The following UXS1 variants were observed in gnomAD, a reference collection of about 807,000 sequenced individuals.
UXS1 encodes UDP-glucuronate decarboxylase 1.
Under a neutral mutation model 62.6 loss-of-function variants are expected in UXS1, and 33 were observed. The observed-to-expected ratio is 0.53, with a 90% CI of 0.40 to 0.70. UXS1 has a LOEUF of 0.70. Among genes scored for constraint, UXS1 ranks in the 30% least tolerant of loss-of-function variants. The pLI is 0.00. For synonymous variants in UXS1, 213 were observed against 206.8 expected (o/e 1.03, Z -0.26); for missense variants, 434 against 556.3 (o/e 0.78, Z 2.21).
intron 5 of UXS1, among the ~76,000 whole-genome samples, chr2:106,151,196 T>C (rs758884944): frequency 6.6e-6 from 1 of 152,206 alleles, no homozygotes; most frequent in African/African-American, 2.4e-5. Flanking sequence ...CTTTGGACTT[T>C]CGAGTTGGTG....
chr2:106,104,861 C>A, intron 10 of UXS1, 24 bp from the exon 11 acceptor site: 1 of 1,612,986 alleles, frequency 6.2e-7, no homozygotes, highest in Non-Finnish European at 8.5e-7. Flanking sequence ...AACAGTTAGG[C>A]CTCCTGATAA....
intron 10 of UXS1, among the ~76,000 whole-genome samples, chr2:106,108,496 T>C (rs1261761090): frequency 6.6e-6 from 1 of 152,174 alleles, no homozygotes; most frequent in Non-Finnish European, 1.5e-5. Context: ...GGCATGAGTA[T>C]CACAGGGATC....
At chr2:106,189,835 G>A (rs1222784543) in intron 1 of UXS1, among the ~76,000 whole-genome samples, 1 of 152,212 alleles carries the variant, frequency 6.6e-6, no homozygotes, top group Non-Finnish European at 1.5e-5. Flanking sequence ...CATGAAGGCA[G>A]AAAATATACT....
chr2:106,120,697 A>G (rs1264431243), intron 9 of UXS1, among the ~76,000 whole-genome samples: 1 of 152,234 alleles, frequency 6.6e-6, no homozygotes, highest in Non-Finnish European at 1.5e-5. Context: ...GAAAGCAGCA[A>G]GCGTGGTTCC....
Position 106,192,497 on chromosome 2 carries a change from T to C in UXS1, c.94+1651A>G, listed in dbSNP as rs1418567386. Among the ~76,000 whole-genome samples the C allele has an allele frequency of 4.0e-5, 6 of 150,232 alleles. No homozygotes were observed. In the South Asian group the frequency reaches 1.1e-3, roughly 27 times the overall value. On this transcript the variant is annotated intron_variant, in intron 1 of 14. Transcript: ENST00000283148. The stretch of plus-strand genomic sequence containing the variant: ...TGAACCCGGGAGGTGGAGCGTGCAG[T>C]GAGCCGAGATCGCGCCCCTGCACTC...
chr2:106,118,450 T>G (rs902754731), intron 9 of UXS1, among the ~76,000 whole-genome samples: 5 of 152,100 alleles, frequency 3.3e-5, no homozygotes, highest in African/African-American at 9.7e-5. Flanking sequence ...GTCAGACTCA[T>G]GAGGGGGCGA....
rs948623586 is a variant in UXS1 at position 106,172,516 on chromosome 2, A to G, written c.95-6433T>C. On this transcript the variant is annotated intron_variant, in intron 1 of 14. Transcript: ENST00000283148. The stretch of plus-strand genomic sequence containing the variant: ...GTGAGGTCCGGTAGCCAAGGTTCCT[A>G]ATCCACACTGCCTTTTAGCATTGCA... 1.8e-4 allele frequency among the ~76,000 whole-genome samples: 28 copies of G among 152,172 alleles called. 1 individual carries two copies. Among genetic ancestry groups the G allele is most frequent in the African/African-American group, 6.8e-4 (28 of 41,436 alleles).
intron 9 of UXS1, among the ~76,000 whole-genome samples, chr2:106,114,897 G>A (rs749219271): frequency 2.6e-5 from 4 of 152,190 alleles, no homozygotes; most frequent in Admixed American, 6.5e-5. Context: ...ACAGGAACCC[G>A]AGGCTCACTC....
chr2:106,182,895 C>A (rs1158305997), intron 1 of UXS1, among the ~76,000 whole-genome samples: 1 of 152,042 alleles, frequency 6.6e-6, no homozygotes, highest in African/African-American at 2.4e-5. Context: ...ATAGTGGGGT[C>A]CTCTCATTGA....
chr2:106,130,419 G>A (rs1680347955), intron 6 of UXS1, among the ~76,000 whole-genome samples: 1 of 152,134 alleles, frequency 6.6e-6, no homozygotes, highest in African/African-American at 2.4e-5. Flanking sequence ...AGTCCTCGGG[G>A]ACCAACCTCT....
Position 106,153,480 on chromosome 2 carries a change from G to A in UXS1, c.291+4578C>T, listed in dbSNP as rs183568037. On this transcript the variant is annotated intron_variant, in intron 5 of 14. Coordinates refer to ENST00000283148, the MANE Select transcript of UXS1 (RefSeq NM_001253875.2). ...AGTTAAAGCTTCACACTGGAGTGGC[G>A]GGGACGGAATAGGAAACACTTCACT... Among the ~76,000 whole-genome samples the A allele has an allele frequency of 6.4e-4, 98 of 152,220 alleles. No homozygotes were observed. The East Asian group carries it at 6.8e-3, about 10-fold the overall frequency.
At chr2:106,149,937 G>T (rs990342858) in intron 5 of UXS1, among the ~76,000 whole-genome samples, 4 of 152,158 alleles carry the variant, frequency 2.6e-5, no homozygotes, top group African/African-American at 9.7e-5. Context: ...AACAATTGTG[G>T]AAATATGGAC....
At chr2:106,150,942 G>A (rs1274755153) in intron 5 of UXS1, among the ~76,000 whole-genome samples, 1 of 152,218 alleles carries the variant, frequency 6.6e-6, no homozygotes, top group Non-Finnish European at 1.5e-5. Flanking sequence ...AGTCAAGAAA[G>A]ATTATCTGGA....
intron 11 of UXS1, chr2:106,102,468 A>C (rs1677673766): frequency 6.6e-6 from 1 of 152,204 alleles, no homozygotes. Flanking sequence ...GCAACTTTTA[A>C]GGTCAAAATT....
chr2:106,170,934 T>G (rs906461018), intron 1 of UXS1, among the ~76,000 whole-genome samples: 3 of 152,246 alleles, frequency 2.0e-5, no homozygotes, highest in African/African-American at 4.8e-5. Context: ...CTACAAATAT[T>G]TGAACTGAAT....
intron 1 of UXS1, 132 bp downstream of exon 1, chr2:106,194,016 C>A: frequency 1.8e-6 from 1 of 570,454 alleles, no homozygotes; most frequent in East Asian, 4.1e-5. Context: ...GCAGAAAGCG[C>A]CGGCCCCGCC....
At chr2:106,166,284 C>T in intron 1 of UXS1, 1 of 537,270 alleles carries the variant, frequency 1.9e-6, no homozygotes, top group Non-Finnish European at 3.2e-6. Context: ...AGAGTTTATT[C>T]AGGCCAAGTT....
intron 10 of UXS1, among the ~76,000 whole-genome samples, chr2:106,110,059 G>C (rs544105029): frequency 2.6e-5 from 4 of 152,314 alleles, no homozygotes; most frequent in South Asian, 2.1e-4. Context: ...CAAGAGCAAG[G>C]CATGATATCT....
chr2:106,155,363 T>C (rs1302316383), intron 5 of UXS1, among the ~76,000 whole-genome samples: 1 of 152,190 alleles, frequency 6.6e-6, no homozygotes, highest in East Asian at 1.9e-4. Flanking sequence ...GGATGTTCTT[T>C]AGGCTGAAAG....
Sources: gnomAD v4.1 joint callset for allele counts (sites outside exome capture counted in the v4.1 genomes callset) on GRCh38, gnomAD v4.1.1 for gene constraint, MANE v1.5 for transcripts, NCBI Gene and HGNC (gene_info 2026-07-23, HGNC 2026-07-21) for gene names.